The following SEMA6D variants were observed in gnomAD, a reference collection of about 807,000 sequenced individuals.
SEMA6D encodes the protein semaphorin-6D.
Under a neutral mutation model 106.6 loss-of-function variants are expected in SEMA6D, and 35 were observed. The ratio of observed to expected loss-of-function variants is 0.33; its 90% CI spans 0.25 to 0.44. The LOEUF (loss-of-function observed/expected upper bound fraction) is 0.44, where lower values mean the gene tolerates loss of function less well. Among genes scored for constraint, SEMA6D ranks in the 20% least tolerant of loss-of-function variants. The pLI is 1.00. For missense variants in SEMA6D, 1,185 were observed against 1,345.9 expected, an observed-to-expected ratio of 0.88 and a Z score of 1.87; for synonymous variants, 499 against 487.7, an observed-to-expected ratio of 1.02 and a Z score of -0.31.
At chr15:47,310,261 A>C (rs1023707634) in intron 1 of SEMA6D, among the ~76,000 whole-genome samples, 2 of 152,206 alleles carry the variant, frequency 1.3e-5, no homozygotes, top group Non-Finnish European at 2.9e-5. Context: ...TTTAGAAACC[A>C]TATGCCCCAT....
Position 47,766,089 on chromosome 15 carries a change from G to T in SEMA6D, c.1569-16G>T. The T allele has an allele frequency of 6.2e-7, 1 of 1,613,406 alleles. No individual in the cohort carries two copies. Among genetic ancestry groups the T allele is most frequent in the Non-Finnish European group, 8.5e-7 (1 of 1,179,614 alleles). On this transcript the variant is annotated splice_polypyrimidine_tract_variant and intron_variant, in intron 14 of 18. Transcript: ENST00000536845. ...GATGAGAAAATCCAAGTTACATTCT[G>T]TTTGGTTTTACACAGGTCTTGTATT...
chr15:47,585,434 C>T (rs936918331), intron 3 of SEMA6D, among the ~76,000 whole-genome samples: 2 of 152,164 alleles, frequency 1.3e-5, no homozygotes, highest in Admixed American at 1.3e-4. Flanking sequence ...GCTCTCATGT[C>T]CCAAATTCTC....
intron 3 of SEMA6D, among the ~76,000 whole-genome samples, chr15:47,592,088 C>T (rs547100584): frequency 6.6e-6 from 1 of 152,196 alleles, no homozygotes; most frequent in South Asian, 2.1e-4. Context: ...GTTTTCCAGC[C>T]CTAATCTAGG....
intron 4 of SEMA6D, among the ~76,000 whole-genome samples, chr15:47,672,538 G>A (rs1596590120): frequency 6.6e-6 from 1 of 152,296 alleles, no homozygotes; most frequent in African/African-American, 2.4e-5. Flanking sequence ...TATGCCAATA[G>A]TATTTTAATT....
At chr15:47,606,263 G>A (rs1050547153) in intron 4 of SEMA6D, 2 of 152,116 alleles carry the variant, frequency 1.3e-5, no homozygotes, top group Non-Finnish European at 2.9e-5. Flanking sequence ...CTTACATTTG[G>A]ATGGGGCTCT....
At chr15:47,697,887 C>T (rs1234722955) in intron 4 of SEMA6D, among the ~76,000 whole-genome samples, 1 of 152,194 alleles carries the variant, frequency 6.6e-6, no homozygotes, top group Non-Finnish European at 1.5e-5. Context: ...TTGGAAAATA[C>T]TGAGAGCCAT....
intron 1 of SEMA6D, among the ~76,000 whole-genome samples, chr15:47,282,987 C>T (rs966617650): frequency 6.6e-6 from 1 of 152,128 alleles, no homozygotes; most frequent in African/African-American, 2.4e-5. Context: ...TCCTATCTTC[C>T]CTGTTTTTTC....
intron 3 of SEMA6D, among the ~76,000 whole-genome samples, chr15:47,472,198 C>T (rs999412378): frequency 2.0e-5 from 3 of 152,030 alleles, no homozygotes; most frequent in South Asian, 4.1e-4. Context: ...AAAGTGCTGC[C>T]GGATTAGACA....
intron 1 of SEMA6D, among the ~76,000 whole-genome samples, chr15:47,734,352 G>T (rs1487245596): frequency 6.6e-6 from 1 of 152,146 alleles, no homozygotes; most frequent in African/African-American, 2.4e-5. Context: ...ACTGCATGTA[G>T]CATCAGTTTC....
intron 1 of SEMA6D, among the ~76,000 whole-genome samples, chr15:47,347,758 G>A (rs1029676421): frequency 3.9e-5 from 6 of 152,102 alleles, no homozygotes; most frequent in African/African-American, 1.4e-4. Flanking sequence ...GAAAACAAGT[G>A]GTCCCAGATT....
At chr15:47,526,090 GTAA>G (rs2044746298) in intron 3 of SEMA6D, among the ~76,000 whole-genome samples, 1 of 152,134 alleles carries the variant, frequency 6.6e-6, no homozygotes, top group Non-Finnish European at 1.5e-5. Context: ...CTTCACCAAG[GTAA>G]GCCTTTGTGT....
chr15:47,725,327 A>C (rs1204653236), intron 1 of SEMA6D, among the ~76,000 whole-genome samples: 1 of 152,244 alleles, frequency 6.6e-6, no homozygotes, highest in Non-Finnish European at 1.5e-5. Context: ...ATTACATTGC[A>C]GATATAGTTT....
At chr15:47,432,429 C>T (rs576773720) in intron 2 of SEMA6D, among the ~76,000 whole-genome samples, 1 of 152,178 alleles carries the variant, frequency 6.6e-6, no homozygotes, top group Non-Finnish European at 1.5e-5. Flanking sequence ...GATTCTTTCT[C>T]TCCTTCTCTT....
chr15:47,190,763 T>G (rs1198163876), intron 1 of SEMA6D, among the ~76,000 whole-genome samples: 1 of 152,236 alleles, frequency 6.6e-6, no homozygotes, highest in Non-Finnish European at 1.5e-5. Flanking sequence ...TCATACTATA[T>G]CCATCCTGGA....
At chr15:47,198,926 T>G (rs1274269413) in intron 1 of SEMA6D, among the ~76,000 whole-genome samples, 1 of 152,184 alleles carries the variant, frequency 6.6e-6, no homozygotes, top group Non-Finnish European at 1.5e-5. Flanking sequence ...TTTGGAGTCC[T>G]TTCCTGGGAA....
intron 1 of SEMA6D, among the ~76,000 whole-genome samples, chr15:47,349,835 A>G (rs1436721368): frequency 6.6e-6 from 1 of 152,202 alleles, no homozygotes; most frequent in Non-Finnish European, 1.5e-5. Flanking sequence ...GGTTATTACT[A>G]CATGGAGATA....
chr15:47,379,472 A>G (rs1567039315), intron 1 of SEMA6D, among the ~76,000 whole-genome samples: 1 of 152,172 alleles, frequency 6.6e-6, no homozygotes, highest in Non-Finnish European at 1.5e-5. Flanking sequence ...AGACCAACCA[A>G]CCTCACAGAT....
intron 4 of SEMA6D, among the ~76,000 whole-genome samples, chr15:47,633,138 A>G (rs897809356): frequency 6.6e-6 from 1 of 152,118 alleles, no homozygotes; most frequent in Non-Finnish European, 1.5e-5. Flanking sequence ...TGCTTCAGCC[A>G]GCCTGTAAGT....
intron 1 of SEMA6D, among the ~76,000 whole-genome samples, chr15:47,210,140 C>T (rs988841098): frequency 6.6e-6 from 1 of 152,128 alleles, no homozygotes; most frequent in Non-Finnish European, 1.5e-5. Context: ...TGATTAAATC[C>T]CATACCATTT....
Sources: allele counts gnomAD v4.1 joint callset (sites outside exome capture counted in the v4.1 genomes callset), GRCh38; gene constraint gnomAD v4.1.1; transcripts MANE v1.5; gene names NCBI Gene and HGNC (gene_info 2026-07-23, HGNC 2026-07-21).